GRIN2A: variants seen among roughly 807,000 people sequenced by gnomAD.
GRIN2A encodes glutamate receptor ionotropic, NMDA 2A.
A neutral mutation model predicts 113.4 loss-of-function variants in GRIN2A; 22 were observed. That is an observed-to-expected ratio of 0.19 (90% CI 0.14 to 0.28). GRIN2A has a LOEUF of 0.28. GRIN2A is among the 10% of genes least tolerant of loss of function. The pLI is 1.00. For missense variants in GRIN2A, 1,502 were observed against 1,887.0 expected (o/e 0.80, Z 3.78); for synonymous variants, 827 against 738.4 (o/e 1.12, Z -1.94).
chr16:9,901,577 A>G (rs2043925363), intron 3 of GRIN2A, among the ~76,000 whole-genome samples: 1 of 152,078 alleles, frequency 6.6e-6, no homozygotes, highest in Non-Finnish European at 1.5e-5. Context: ...CTCGTGCCTC[A>G]GCCTCCCGAG....
intron 2 of GRIN2A, among the ~76,000 whole-genome samples, chr16:9,964,460 C>T (rs772883784): frequency 2.0e-5 from 3 of 152,148 alleles, no homozygotes; most frequent in African/African-American, 4.8e-5. Context: ...ATCAACTTGG[C>T]GGGGGCTTAA....
chr16:10,059,359 T>C (rs931786516), intron 2 of GRIN2A, among the ~76,000 whole-genome samples: 3 of 146,882 alleles, frequency 2.0e-5, no homozygotes, highest in African/African-American at 8.2e-5. Context: ...GAGACCAGTT[T>C]AGAGGCCATT....
At chr16:10,023,286 G>T (rs1054850486) in intron 2 of GRIN2A, among the ~76,000 whole-genome samples, 9 of 152,146 alleles carry the variant, frequency 5.9e-5, no homozygotes, top group Non-Finnish European at 2.9e-5. Context: ...CTGAGGCAGG[G>T]CTCTATAAAC....
chr16:9,895,013 T>C (rs761692145), intron 3 of GRIN2A, among the ~76,000 whole-genome samples: 7 of 152,168 alleles, frequency 4.6e-5, no homozygotes, highest in Non-Finnish European at 8.8e-5. Context: ...TTCCATCCAT[T>C]AGGCATGTTT....
At chr16:9,983,871 G>C (rs1366549787) in intron 2 of GRIN2A, among the ~76,000 whole-genome samples, 1 of 152,180 alleles carries the variant, frequency 6.6e-6, no homozygotes, top group Non-Finnish European at 1.5e-5. Flanking sequence ...ATGGCAGTGG[G>C]TAAAGAATAT....
At chr16:9,766,925 AT>A (rs1900953639) in intron 12 of GRIN2A, among the ~76,000 whole-genome samples, 1 of 152,192 alleles carries the variant, frequency 6.6e-6, no homozygotes, top group Non-Finnish European at 1.5e-5. Context: ...AAAGGAAGAT[AT>A]GGATTTACTT....
At chr16:10,016,592 G>T (rs1596419584) in intron 2 of GRIN2A, among the ~76,000 whole-genome samples, 1 of 152,144 alleles carries the variant, frequency 6.6e-6, no homozygotes, top group African/African-American at 2.4e-5. Flanking sequence ...TCCCACACCT[G>T]GTGGGTGCCT....
At chr16:9,968,262 T>TTGCA (rs759773560) in intron 2 of GRIN2A, among the ~76,000 whole-genome samples, 2 of 150,138 alleles carry the variant, frequency 1.3e-5, no homozygotes, top group Non-Finnish European at 3.0e-5. Flanking sequence ...CTCTATTGAC[T>TTGCA]TGTATGTATG....
rs1449558995 is a variant in GRIN2A at position 9,765,993 on chromosome 16, G to A, written c.2596-1045C>T. On this transcript the variant is annotated intron_variant, in intron 12 of 12. Coordinates refer to ENST00000330684, the MANE Select transcript of GRIN2A (RefSeq NM_001134407.3). The stretch of plus-strand genomic sequence containing the variant: ...AAAGTAGCTGTTCAACTGTTATCAA[G>A]GGAAGAGCCCTTGATTCCTACCACA... 4.6e-5 allele frequency among the ~76,000 whole-genome samples: 7 copies of A among 152,264 alleles called. No homozygotes were observed. The South Asian group carries it at 1.5e-3, about 32-fold the overall frequency.
intron 2 of GRIN2A, among the ~76,000 whole-genome samples, chr16:10,125,088 T>G (rs1317073489): frequency 6.6e-6 from 1 of 152,174 alleles, no homozygotes; most frequent in Non-Finnish European, 1.5e-5. Context: ...GGTGAGGATG[T>G]TGGATTTTAT....
chr16:9,862,793 T>G (rs998064148), intron 4 of GRIN2A, among the ~76,000 whole-genome samples: 4 of 152,218 alleles, frequency 2.6e-5, no homozygotes, highest in African/African-American at 7.2e-5. Flanking sequence ...TCAGCAAAAA[T>G]AAAAAAGGAG....
intron 2 of GRIN2A, among the ~76,000 whole-genome samples, chr16:10,103,126 G>A (rs10153237): frequency 1.3e-5 from 2 of 152,010 alleles, no homozygotes; most frequent in South Asian, 2.1e-4. Flanking sequence ...TCGCAACTAT[G>A]AGGAATAGAT....
Position 10,017,666 on chromosome 16 carries a change from G to C in GRIN2A, c.415-79115C>G, listed in dbSNP as rs116508568. 5.3e-3 allele frequency among the ~76,000 whole-genome samples: 802 copies of C among 152,246 alleles called. 12 individuals carry two copies. Among genetic ancestry groups the C allele is most frequent in the African/African-American group, 0.019 (769 of 41,530 alleles). On this transcript the variant is annotated intron_variant, in intron 2 of 12. Transcript: ENST00000330684. ...GAGCCTGAGACACTGTGAGTACTCA[G>C]TATACATTGGTCATCATAACCAGGA...
chr16:9,908,581 G>A (rs1224730419), intron 3 of GRIN2A, among the ~76,000 whole-genome samples: 1 of 152,050 alleles, frequency 6.6e-6, no homozygotes, highest in African/African-American at 2.4e-5. Context: ...GAAAACCCAG[G>A]GGAAGAAGGA....
chr16:9,933,465 C>T (rs1006083494), intron 3 of GRIN2A, among the ~76,000 whole-genome samples: 8 of 152,298 alleles, frequency 5.3e-5, no homozygotes, highest in South Asian at 2.1e-4. Flanking sequence ...TAACTCACCA[C>T]GAAGATATCA....
At chr16:10,135,712 G>C (rs923924705) in intron 2 of GRIN2A, among the ~76,000 whole-genome samples, 18 of 152,068 alleles carry the variant, frequency 1.2e-4, no homozygotes, top group African/African-American at 4.3e-4. Context: ...GGAACTTCTG[G>C]GCATGAGCTA....
chr16:10,149,637 C>T (rs1410066248), intron 2 of GRIN2A, among the ~76,000 whole-genome samples: 2 of 152,198 alleles, frequency 1.3e-5, no homozygotes, highest in Non-Finnish European at 2.9e-5. Context: ...TGGTCAGTTT[C>T]ACCACCTCCA....
At chr16:9,848,633 A>C (rs897429198) in intron 5 of GRIN2A, among the ~76,000 whole-genome samples, 1 of 147,408 alleles carries the variant, frequency 6.8e-6, no homozygotes, top group African/African-American at 2.5e-5. Flanking sequence ...AATATATAAA[A>C]ACATATGGTG....
At chr16:10,123,142 C>A (rs1056088970) in intron 2 of GRIN2A, among the ~76,000 whole-genome samples, 2 of 152,152 alleles carry the variant, frequency 1.3e-5, no homozygotes, top group Non-Finnish European at 2.9e-5. Context: ...GATCAAAAGT[C>A]CTTTTTGTCC....
Sources: allele counts gnomAD v4.1 joint callset (sites outside exome capture counted in the v4.1 genomes callset), GRCh38; gene constraint gnomAD v4.1.1; transcripts MANE v1.5; gene names NCBI Gene and HGNC (gene_info 2026-07-23, HGNC 2026-07-21).